ANKRD62: variants seen among roughly 807,000 people sequenced by gnomAD.
ANKRD62 encodes the protein ankyrin repeat domain-containing protein 62.
In ANKRD62, 61 loss-of-function variants were observed where a neutral mutation model predicts 98.8. That is an observed-to-expected ratio of 0.62 (90% CI 0.50 to 0.76). The LOEUF is 0.76. Ranked by LOEUF, ANKRD62 falls within the 30% of genes least tolerant of loss-of-function variation. ANKRD62 has a pLI of 0.00. For synonymous variants in ANKRD62, 341 were observed against 367.9 expected (o/e 0.93, Z 0.84); for missense variants, 933 against 1,082.9 (o/e 0.86, Z 1.94).
intron 12 of ANKRD62, among the ~76,000 whole-genome samples, chr18:12,125,185 T>C (rs945339980): frequency 9.2e-5 from 14 of 152,106 alleles, no homozygotes; most frequent in African/African-American, 2.9e-4. Context: ...GTAAAAGCCT[T>C]CTTTTAAAAA....
chr18:12,170,635 G>A, the ANKRD62 span, among the ~76,000 whole-genome samples: 1 of 152,186 alleles, frequency 6.6e-6, no homozygotes, highest in Non-Finnish European at 1.5e-5. Flanking sequence ...TTCTGTAGAT[G>A]TCTATTAGGT....
chr18:12,098,608 T>G (rs544929548), intron 5 of ANKRD62: 1 of 152,306 alleles, frequency 6.6e-6, no homozygotes, highest in African/African-American at 2.4e-5. Flanking sequence ...GCAAAACAGG[T>G]GCTAGCCAAT....
At chr18:12,124,751 T>A (rs1909853414) in intron 12 of ANKRD62, among the ~76,000 whole-genome samples, 1 of 152,178 alleles carries the variant, frequency 6.6e-6, no homozygotes, top group Non-Finnish European at 1.5e-5. Flanking sequence ...ATTGTATTTG[T>A]ATATCTACCC....
the ANKRD62 span, among the ~76,000 whole-genome samples, chr18:12,173,036 C>A: frequency 1.3e-5 from 2 of 152,354 alleles, no homozygotes; most frequent in South Asian, 2.1e-4. Context: ...AAAGAGAATT[C>A]TCTGACTGCT....
At chr18:12,173,336 A>G in the ANKRD62 span, among the ~76,000 whole-genome samples, 3 of 152,032 alleles carry the variant, frequency 2.0e-5, no homozygotes, top group African/African-American at 7.2e-5. Flanking sequence ...TCTGTTTTCC[A>G]TTTGCTTGGT....
chr18:12,130,051 G>A (rs1052573977), downstream of ANKRD62, among the ~76,000 whole-genome samples: 10 of 152,154 alleles, frequency 6.6e-5, no homozygotes, highest in African/African-American at 2.4e-4. Context: ...TATTTATAAA[G>A]CAAATGAGTA....
chr18:12,178,270 G>A, the ANKRD62 span, among the ~76,000 whole-genome samples: 1,706 of 150,292 alleles, frequency 0.011, 54 homozygotes, highest in African/African-American at 0.04. Flanking sequence ...ATTGAGGGGA[G>A]CAGTGGGAAA....
the ANKRD62 span, among the ~76,000 whole-genome samples, chr18:12,170,450 T>G: frequency 6.6e-6 from 1 of 152,204 alleles, no homozygotes; most frequent in African/African-American, 2.4e-5. Context: ...TTGAGTGAGT[T>G]TCTTAATCCT....
intron 7 of ANKRD62, among the ~76,000 whole-genome samples, chr18:12,105,959 T>A (rs1909404814): frequency 6.6e-6 from 1 of 152,172 alleles, no homozygotes; most frequent in Non-Finnish European, 1.5e-5. Flanking sequence ...TTACTTAAAG[T>A]GGGAAATCAA....
At chr18:12,158,197 T>A in the ANKRD62 span, among the ~76,000 whole-genome samples, 9 of 152,146 alleles carry the variant, frequency 5.9e-5, no homozygotes, top group Non-Finnish European at 1.3e-4. Flanking sequence ...GGAACGTGCT[T>A]TGTTTAGAGG....
At chr18:12,179,622 A>G in the ANKRD62 span, among the ~76,000 whole-genome samples, 1 of 151,604 alleles carries the variant, frequency 6.6e-6, no homozygotes, top group African/African-American at 2.4e-5. Flanking sequence ...TGACCTGACC[A>G]AGCTAACTGC....
the ANKRD62 span, among the ~76,000 whole-genome samples, chr18:12,166,677 C>A: frequency 6.6e-6 from 1 of 151,780 alleles, no homozygotes; most frequent in Non-Finnish European, 1.5e-5. Flanking sequence ...CCTAAATGGT[C>A]TTGATACTTG....
At chr18:12,157,801 A>G in the ANKRD62 span, among the ~76,000 whole-genome samples, 78 of 152,282 alleles carry the variant, frequency 5.1e-4, no homozygotes, top group African/African-American at 1.8e-3. Flanking sequence ...GAAAGGTCTG[A>G]TTCCTGAGCA....
the ANKRD62 span, among the ~76,000 whole-genome samples, chr18:12,157,068 C>G: frequency 6.6e-6 from 1 of 152,174 alleles, no homozygotes; most frequent in Non-Finnish European, 1.5e-5. Context: ...GCCACTGTGC[C>G]CAGCCCAAGA....
the ANKRD62 span, among the ~76,000 whole-genome samples, chr18:12,141,678 A>G: frequency 7.4e-5 from 8 of 107,536 alleles, no homozygotes; most frequent in African/African-American, 2.6e-4. Flanking sequence ...TGTCTGGTTA[A>G]GAACTCTTCT....
rs765462604 is a variant in ANKRD62 at position 12,095,481 on chromosome 18, A to G, written c.378A>G (p.Glu126=). Residue 126 remains glutamate, a synonymous_variant, in exon 3 of 14, where the codon GAA becomes GAG. Transcript: ENST00000587848. ...AAGTTTGTGCATCCATCCTGCTGGAACATGGCGCCAACCCAAATGTTAGAG... is the reference window on the plus strand; with the variant it reads ...AAGTTTGTGCATCCATCCTGCTGGAGCATGGCGCCAACCCAAATGTTAGAG... ...QEEVCASILL[E]HGANPNVRDM... The G allele has an allele frequency of 5.7e-6, 9 of 1,575,554 alleles. No individual in the cohort carries two copies. In the South Asian group the frequency reaches 9.1e-5, roughly 16 times the overall value.
intron 10 of ANKRD62, among the ~76,000 whole-genome samples, chr18:12,116,986 ATC>A (rs1165652693): frequency 6.6e-6 from 1 of 152,088 alleles, no homozygotes; most frequent in Non-Finnish European, 1.5e-5. Context: ...TATCAGATTT[ATC>A]TCTGTTTCAG....
intron 6 of ANKRD62, among the ~76,000 whole-genome samples, chr18:12,101,781 C>G (rs1308493464): frequency 1.3e-5 from 2 of 152,184 alleles, no homozygotes; most frequent in Non-Finnish European, 2.9e-5. Context: ...CACCGCAATA[C>G]AAAACTCAGT....
At chr18:12,096,012 A>G (rs1034092615) in intron 3 of ANKRD62, among the ~76,000 whole-genome samples, 184 bp from the exon 4 acceptor site, 3 of 152,140 alleles carry the variant, frequency 2.0e-5, no homozygotes, top group African/African-American at 7.2e-5. Flanking sequence ...CAGACACCCT[A>G]GGAGGGGTAT....
Sources: allele counts gnomAD v4.1 joint callset (sites outside exome capture counted in the v4.1 genomes callset), GRCh38; gene constraint gnomAD v4.1.1; transcripts MANE v1.5; gene names NCBI Gene and HGNC (gene_info 2026-07-23, HGNC 2026-07-21).